CDH13: variants seen among roughly 807,000 people sequenced by gnomAD.
CDH13 encodes cadherin 13.
In CDH13, 24 loss-of-function variants were observed where a neutral mutation model predicts 63.8. The ratio of observed to expected loss-of-function variants is 0.38; its 90% CI spans 0.27 to 0.53. The LOEUF (loss-of-function observed/expected upper bound fraction) is 0.53. CDH13 is among the 20% of genes least tolerant of loss of function. The pLI, the probability that CDH13 is intolerant of heterozygous loss-of-function variation, is 0.85. For missense variants in CDH13, 1,049 were observed against 903.1 expected (o/e 1.16, Z -2.07); for synonymous variants, 503 against 355.3 (o/e 1.42, Z -4.67).
chr16:83,323,869 G>C (rs988145291), intron 5 of CDH13, among the ~76,000 whole-genome samples: 28 of 152,054 alleles, frequency 1.8e-4, no homozygotes, highest in Admixed American at 7.2e-4. Context: ...ATCTGAGATA[G>C]TTATTTCCTC....
At chr16:83,682,242 G>A (rs747640485) in intron 10 of CDH13, among the ~76,000 whole-genome samples, 3 of 152,106 alleles carry the variant, frequency 2.0e-5, no homozygotes, top group African/African-American at 7.2e-5. Flanking sequence ...ACAACAATGA[G>A]GCAGCAAAGA....
intron 5 of CDH13, among the ~76,000 whole-genome samples, chr16:83,240,715 A>AACT (rs1567531884): frequency 2.0e-5 from 1 of 49,528 alleles, no homozygotes; most frequent in Non-Finnish European, 4.2e-5. Context: ...TACTGTCTTA[A>AACT]TCTTTTTTTT....
chr16:83,489,092 AG>A (rs2073955519), intron 7 of CDH13, among the ~76,000 whole-genome samples: 1 of 152,208 alleles, frequency 6.6e-6, no homozygotes, highest in Non-Finnish European at 1.5e-5. Context: ...TCCTTTCACA[AG>A]AAAAAGATGA....
intron 1 of CDH13, among the ~76,000 whole-genome samples, chr16:82,655,826 G>A (rs192924143): frequency 1.4e-4 from 22 of 152,250 alleles, no homozygotes; most frequent in East Asian, 7.7e-4. Context: ...GAAGCTTAGA[G>A]TAGGCAAGGT....
At chr16:82,912,736 G>A (rs1453852716) in intron 2 of CDH13, among the ~76,000 whole-genome samples, 2 of 152,178 alleles carry the variant, frequency 1.3e-5, no homozygotes, top group African/African-American at 2.4e-5. Flanking sequence ...GAGGTCAGGA[G>A]ATCGAAACCA....
chr16:83,561,625 T>C (rs8061502), intron 7 of CDH13, among the ~76,000 whole-genome samples: 117,023 of 152,110 alleles, frequency 0.77, 45,343 homozygotes, highest in Middle Eastern at 0.83. Flanking sequence ...ATTCATGTAT[T>C]TTCTACAATG....
intron 6 of CDH13, among the ~76,000 whole-genome samples, chr16:83,347,265 C>T (rs1398902103): frequency 6.8e-6 from 1 of 147,708 alleles, no homozygotes; most frequent in Non-Finnish European, 1.5e-5. Context: ...CTTGTATTTC[C>T]ATTATGCTCT....
At chr16:82,842,091 C>CATATATATATATATATATGTATATAT (rs2039030529) in intron 1 of CDH13, among the ~76,000 whole-genome samples, 1 of 41,676 alleles carries the variant, frequency 2.4e-5, no homozygotes, top group Non-Finnish European at 5.7e-5. Context: ...TTGCATTCTA[C>CATATATATATATATATATGTATATAT]ATATATATAT....
chr16:83,592,377 CA>C (rs1338749908), intron 7 of CDH13, among the ~76,000 whole-genome samples: 5 of 152,194 alleles, frequency 3.3e-5, no homozygotes, highest in Non-Finnish European at 7.3e-5. Context: ...GCACCAAAAG[CA>C]GAGTCTGTAT....
intron 11 of CDH13, among the ~76,000 whole-genome samples, chr16:83,766,274 G>C (rs555963496): frequency 6.6e-6 from 1 of 152,238 alleles, no homozygotes; most frequent in South Asian, 2.1e-4. Flanking sequence ...CAAACTTATG[G>C]AAATACAAAC....
intron 1 of CDH13, among the ~76,000 whole-genome samples, chr16:82,805,166 T>C (rs566405942): frequency 3.2e-4 from 49 of 152,122 alleles, no homozygotes; most frequent in Non-Finnish European, 4.9e-4. Context: ...AGCCCCCAGG[T>C]CCATGTGTCC....
intron 6 of CDH13, among the ~76,000 whole-genome samples, chr16:83,429,012 G>A (rs568941965): frequency 6.6e-6 from 1 of 152,340 alleles, no homozygotes; most frequent in East Asian, 1.9e-4. Context: ...TTCCTAGGGG[G>A]AAGTATCTTC....
chr16:82,770,153 G>A (rs1597517320), intron 1 of CDH13, among the ~76,000 whole-genome samples: 1 of 152,350 alleles, frequency 6.6e-6, no homozygotes, highest in African/African-American at 2.4e-5. Context: ...ACAGAACCTG[G>A]CTGTGATTTG....
intron 8 of CDH13, among the ~76,000 whole-genome samples, chr16:83,668,437 G>A (rs1210029365): frequency 5.3e-5 from 8 of 152,212 alleles, no homozygotes; most frequent in Admixed American, 5.2e-4. Flanking sequence ...CACTGGACAT[G>A]ACAGCGTTTC....
chr16:83,067,644 A>G (rs1278455994), intron 3 of CDH13, among the ~76,000 whole-genome samples: 2 of 152,256 alleles, frequency 1.3e-5, no homozygotes. Context: ...TAATAATTTT[A>G]GTGCAATTGA....
intron 1 of CDH13, among the ~76,000 whole-genome samples, chr16:82,764,800 T>C (rs2034988006): frequency 6.6e-6 from 1 of 151,862 alleles, no homozygotes; most frequent in African/African-American, 2.4e-5. Flanking sequence ...TTCATCTTCA[T>C]TCATTTCATT....
At chr16:82,692,421 T>G (rs1193355398) in intron 1 of CDH13, among the ~76,000 whole-genome samples, 1 of 152,186 alleles carries the variant, frequency 6.6e-6, no homozygotes, top group Non-Finnish European at 1.5e-5. Context: ...AGGAGCAAAG[T>G]CATGTTTTGC....
At chr16:82,815,662 T>C (rs1257782485) in intron 1 of CDH13, among the ~76,000 whole-genome samples, 1 of 152,166 alleles carries the variant, frequency 6.6e-6, no homozygotes, top group Non-Finnish European at 1.5e-5. Flanking sequence ...TCTTTTCTTT[T>C]CCAGTCTCCA....
At chr16:83,353,880 T>G (rs563300612) in intron 6 of CDH13, among the ~76,000 whole-genome samples, 1 of 152,376 alleles carries the variant, frequency 6.6e-6, no homozygotes, top group Non-Finnish European at 1.5e-5. Flanking sequence ...CCACTAATTT[T>G]TTGGATATGA....
Sources: gnomAD v4.1 joint callset for allele counts (sites outside exome capture counted in the v4.1 genomes callset) on GRCh38, gnomAD v4.1.1 for gene constraint, MANE v1.5 for transcripts, NCBI Gene and HGNC (gene_info 2026-07-23, HGNC 2026-07-21) for gene names.